Variants in BCAS4 observed in about 807,000 individuals in gnomAD.
BCAS4 encodes the protein breast carcinoma-amplified sequence 4.
A neutral mutation model predicts 15.7 loss-of-function variants in BCAS4; 9 were observed. The ratio of observed to expected loss-of-function variants is 0.57; its 90% CI spans 0.34 to 1.00. The LOEUF is 1.00. BCAS4 is among the 50% of genes least tolerant of loss of function. BCAS4 has a pLI of 0.02. For synonymous variants in BCAS4, 101 were observed against 99.5 expected, an observed-to-expected ratio of 1.02 and a Z score of -0.09; for missense variants, 225 against 239.1, an observed-to-expected ratio of 0.94 and a Z score of 0.39.
Position 50,851,422 on chromosome 20 carries a change from AG to A in BCAS4, c.399+9527del, listed in dbSNP as rs1325685576. Among the ~76,000 whole-genome samples the A allele has an allele frequency of 6.6e-6, 1 of 152,092 alleles. No homozygotes were observed. Among genetic ancestry groups the A allele is most frequent in the Non-Finnish European group, 1.5e-5 (1 of 68,014 alleles). ...TTCAAGGTCTTTGGTGGAGTGCTAT[AG>A]GGGGACGGAGGGTTCCTGGCAGGCT... On this transcript the variant is annotated intron_variant, in intron 4 of 4. Transcript: ENST00000371608. The surrounding 1 kb of genome is among the most constrained non-coding windows in gnomAD (Gnocchi z 4.3).
At chr20:50,829,975 C>T (rs1568666091) in intron 2 of BCAS4, among the ~76,000 whole-genome samples, 1 of 152,188 alleles carries the variant, frequency 6.6e-6, no homozygotes. Context: ...TCTTTCCATT[C>T]GCTCCAGTTC....
chr20:50,852,241 ACCAGGCAAGG>A (rs1265433401), intron 4 of BCAS4, among the ~76,000 whole-genome samples: 1 of 152,152 alleles, frequency 6.6e-6, no homozygotes, highest in Non-Finnish European at 1.5e-5. Context: ...ACTCACTGAG[ACCAGGCAAGG>A]CCCTGAGTGA....
chr20:50,816,211 A>G (rs1489632396), intron 1 of BCAS4, among the ~76,000 whole-genome samples: 1 of 151,940 alleles, frequency 6.6e-6, no homozygotes, highest in Non-Finnish European at 1.5e-5. Context: ...TTTTTAGTAG[A>G]GACGGGGTTT....
chr20:50,817,693 C>T (rs992731874), intron 1 of BCAS4, among the ~76,000 whole-genome samples: 3 of 152,074 alleles, frequency 2.0e-5, no homozygotes, highest in Admixed American at 6.5e-5. Flanking sequence ...AACTCCTGAC[C>T]TCAGGTGATC....
intron 4 of BCAS4, among the ~76,000 whole-genome samples, chr20:50,856,585 T>C (rs967123758): frequency 1.3e-5 from 2 of 152,230 alleles, no homozygotes; most frequent in Non-Finnish European, 2.9e-5. Context: ...CCAGCCTCCT[T>C]GTCCCTTTTG....
At chr20:50,837,673 G>T (rs988923287) in intron 3 of BCAS4, among the ~76,000 whole-genome samples, 1 of 152,206 alleles carries the variant, frequency 6.6e-6, no homozygotes, top group African/African-American at 2.4e-5. Flanking sequence ...TCTCCCCGGA[G>T]TCGGAGCTGC....
chr20:50,804,292 G>T (rs370393207), intron 1 of BCAS4, among the ~76,000 whole-genome samples: 4 of 152,292 alleles, frequency 2.6e-5, no homozygotes, highest in African/African-American at 9.6e-5. Context: ...GCCCGCCTGG[G>T]CCTCCCAAAG....
At chr20:50,881,185 G>A (rs1980110356), downstream of BCAS4, 3 of 152,134 alleles carry the variant, frequency 2.0e-5, no homozygotes, top group Non-Finnish European at 4.4e-5. Context: ...AGCTGAGATT[G>A]TGCCACTGCA....
chr20:50,836,396 C>T (rs1355374173), intron 3 of BCAS4, among the ~76,000 whole-genome samples: 1 of 152,182 alleles, frequency 6.6e-6, no homozygotes, highest in Non-Finnish European at 1.5e-5. Flanking sequence ...ACCCCCATCT[C>T]CAGGAAAGGA....
At chr20:50,808,325 A>T (rs1459576368) in intron 1 of BCAS4, among the ~76,000 whole-genome samples, 1 of 152,240 alleles carries the variant, frequency 6.6e-6, no homozygotes, top group Non-Finnish European at 1.5e-5. Context: ...TCTTCTTCAT[A>T]TAATGACTTC....
intron 4 of BCAS4, among the ~76,000 whole-genome samples, chr20:50,866,899 G>A (rs537626346): frequency 2.0e-5 from 3 of 152,320 alleles, no homozygotes; most frequent in Non-Finnish European, 4.4e-5. Context: ...GCCGCTGTGA[G>A]GATGAATGCT....
At chr20:50,856,019 G>T (rs2123828702) in intron 4 of BCAS4, among the ~76,000 whole-genome samples, 1 of 152,334 alleles carries the variant, frequency 6.6e-6, no homozygotes, top group South Asian at 2.1e-4. Context: ...GGAGGGAAGA[G>T]CCTGGCCCAT....
chr20:50,816,387 C>T (rs2088137776), intron 1 of BCAS4, among the ~76,000 whole-genome samples: 1 of 152,214 alleles, frequency 6.6e-6, no homozygotes, highest in South Asian at 2.1e-4. Context: ...CACTGGCAGG[C>T]CCTCTGCACG....
intron 4 of BCAS4, among the ~76,000 whole-genome samples, chr20:50,854,243 T>G (rs552170186): frequency 6.6e-6 from 1 of 152,250 alleles, no homozygotes; most frequent in African/African-American, 2.4e-5. Context: ...TGGGAGAGTC[T>G]CAACCTCCCC....
chr20:50,838,843 T>C (rs1600874945), intron 3 of BCAS4, among the ~76,000 whole-genome samples: 1 of 151,158 alleles, frequency 6.6e-6, no homozygotes, highest in East Asian at 2.0e-4. Context: ...GACTCCATCT[T>C]AAAAAAAACA....
At chr20:50,799,963 C>T (rs2087908308) in intron 1 of BCAS4, among the ~76,000 whole-genome samples, 1 of 152,140 alleles carries the variant, frequency 6.6e-6, no homozygotes, top group Non-Finnish European at 1.5e-5. Flanking sequence ...GGGAAGATCA[C>T]CTGGGCTCTG....
intron 3 of BCAS4, 120 bp from the exon 4 acceptor site, chr20:50,841,646 T>C (rs951818937): frequency 2.2e-6 from 3 of 1,379,952 alleles, no homozygotes; most frequent in African/African-American, 2.9e-5. Context: ...GGGAGCCCCA[T>C]TGGAGGGAGG....
chr20:50,861,872 G>C (rs138970735), intron 4 of BCAS4, among the ~76,000 whole-genome samples: 1 of 49,146 alleles, frequency 2.0e-5, no homozygotes, highest in African/African-American at 8.4e-5. Flanking sequence ...TTTTTTTTTA[G>C]ATACGGGTTC....
intron 4 of BCAS4, among the ~76,000 whole-genome samples, chr20:50,846,155 T>C (rs1409552144): frequency 2.0e-5 from 3 of 152,280 alleles, no homozygotes; most frequent in African/African-American, 7.2e-5. Flanking sequence ...ATGTATTTCA[T>C]GGCACAAAAG....
Sources: allele counts gnomAD v4.1 joint callset (sites outside exome capture counted in the v4.1 genomes callset), GRCh38; gene constraint gnomAD v4.1.1; non-coding constraint Gnocchi (gnomAD v3.1); transcripts MANE v1.5; gene names NCBI Gene and HGNC (gene_info 2026-07-23, HGNC 2026-07-21).